Variants in TRPC4 observed in about 807,000 individuals in gnomAD.
The protein encoded by TRPC4 is transient receptor potential cation channel subfamily C member 4, also known as short transient receptor potential channel 4.
Under a neutral mutation model 99.4 loss-of-function variants are expected in TRPC4, and 49 were observed. The ratio of observed to expected loss-of-function variants is 0.49; its 90% CI spans 0.39 to 0.63. The LOEUF is 0.63. Among genes scored for constraint, TRPC4 ranks in the 20% least tolerant of loss-of-function variants. The pLI is 0.00. For missense variants in TRPC4, 898 were observed against 1,152.9 expected (o/e 0.78, Z 3.20); for synonymous variants, 454 against 425.9 (o/e 1.07, Z -0.81).
At chr13:37,779,412 C>T (rs1253802428) in intron 2 of TRPC4, among the ~76,000 whole-genome samples, 2 of 150,704 alleles carry the variant, frequency 1.3e-5, no homozygotes, top group Non-Finnish European at 3.0e-5. Context: ...TAAGCTATTA[C>T]TCTTCTCATT....
chr13:37,692,873 T>C (rs1953765205), intron 3 of TRPC4, among the ~76,000 whole-genome samples: 1 of 152,168 alleles, frequency 6.6e-6, no homozygotes, highest in South Asian at 2.1e-4. Context: ...ATACTTTTAA[T>C]TGGGTTGAGG....
chr13:37,651,155 A>G, intron 8 of TRPC4, 110 bp downstream of exon 8: 1 of 1,194,378 alleles, frequency 8.4e-7, no homozygotes, highest in Non-Finnish European at 1.2e-6. Context: ...CATGACATGC[A>G]ATCAGTAAGA....
At chr13:37,802,206 C>G (rs1228487826) in intron 1 of TRPC4, among the ~76,000 whole-genome samples, 1 of 152,048 alleles carries the variant, frequency 6.6e-6, no homozygotes, top group Non-Finnish European at 1.5e-5. Flanking sequence ...ATGCTAGTAT[C>G]TTACATAAAC....
chr13:37,857,583 A>G (rs1959184383), intron 1 of TRPC4, among the ~76,000 whole-genome samples: 1 of 151,368 alleles, frequency 6.6e-6, no homozygotes, highest in Non-Finnish European at 1.5e-5. Flanking sequence ...AAACAAATGG[A>G]ATAGAATAGA....
chr13:37,786,449 T>C (rs564580758), intron 1 of TRPC4, among the ~76,000 whole-genome samples: 88 of 152,010 alleles, frequency 5.8e-4, no homozygotes, highest in African/African-American at 2.1e-3. Flanking sequence ...TTACTTGAGA[T>C]GCGGGGATAC....
chr13:37,829,554 T>C lies in TRPC4; in HGVS notation c.-28+40041A>G, dbSNP rs1485150261. On this transcript the variant is annotated intron_variant, in intron 1 of 10. Coordinates refer to ENST00000379705, the MANE Select transcript of TRPC4 (RefSeq NM_016179.4). ...TTGGATTGGGAACCAATAAAACCAG[T>C]TGGATCAGCCACTTTGGGAAACACT... Among the ~76,000 whole-genome samples, 9 of 152,172 alleles carry C rather than the reference T, an allele frequency of 5.9e-5. No homozygotes were observed. In the East Asian group the frequency reaches 7.7e-4, roughly 13 times the overall value.
chr13:37,729,469 G>T (rs2151439), intron 3 of TRPC4, among the ~76,000 whole-genome samples: 44,445 of 151,946 alleles, frequency 0.29, 8,426 homozygotes, highest in Non-Finnish European at 0.43. Context: ...TGATTCAGAA[G>T]TTCCACTTCT....
At chr13:37,728,205 A>G (rs936691669) in intron 3 of TRPC4, among the ~76,000 whole-genome samples, 3 of 127,618 alleles carry the variant, frequency 2.4e-5, no homozygotes, top group Non-Finnish European at 5.8e-5. Context: ...ATTATGTGAA[A>G]AAGAAAAAAA....
intron 4 of TRPC4, among the ~76,000 whole-genome samples, chr13:37,689,573 G>T (rs1378564110): frequency 6.6e-6 from 1 of 152,124 alleles, no homozygotes; most frequent in East Asian, 1.9e-4. Context: ...CTACAGTCAG[G>T]AAATCTTGAG....
chr13:37,649,318 C>A (rs1951945328), intron 8 of TRPC4, among the ~76,000 whole-genome samples: 1 of 152,008 alleles, frequency 6.6e-6, no homozygotes, highest in Admixed American at 6.6e-5. Flanking sequence ...GTTTTTATTT[C>A]TGTATCTCTC....
At chr13:37,755,681 C>T (rs1306606166) in intron 2 of TRPC4, among the ~76,000 whole-genome samples, 1 of 151,990 alleles carries the variant, frequency 6.6e-6, no homozygotes, top group African/African-American at 2.4e-5. Flanking sequence ...GGATTACAGG[C>T]GTGAGCCACT....
At chr13:37,681,678 T>C (rs551066117) in intron 4 of TRPC4, among the ~76,000 whole-genome samples, 1 of 152,312 alleles carries the variant, frequency 6.6e-6, no homozygotes, top group African/African-American at 2.4e-5. Flanking sequence ...TAGTAAATTA[T>C]CCATGGTAAC....
chr13:37,727,443 A>G (rs1011924633), intron 3 of TRPC4, among the ~76,000 whole-genome samples: 2 of 152,024 alleles, frequency 1.3e-5, no homozygotes, highest in South Asian at 4.1e-4. Context: ...GGGGAAATTT[A>G]TGCCTATAAA....
intron 8 of TRPC4, 37 bp downstream of exon 8, chr13:37,651,228 T>C (rs1197893512): frequency 3.1e-6 from 5 of 1,610,174 alleles, no homozygotes; most frequent in Non-Finnish European, 4.2e-6. Flanking sequence ...AATACACAAT[T>C]TAAAAAAAGA....
In TRPC4 at chr13:37,663,565, G is replaced by A. The variant is rs754530992; in HGVS notation, c.1539C>T (p.Leu513=). 6 of 1,614,176 alleles carry A rather than the reference G, an allele frequency of 3.7e-6. No homozygotes were observed. The Admixed American group carries it at 8.3e-5, about 22-fold the overall frequency. Residue 513 remains leucine (L), a synonymous_variant, in exon 6 of 11, where the codon CTC becomes CTT. Transcript: ENST00000379705. ...TGAATAGAAACTTCAAAATGTCCAG[G>A]AGCATTCTTCCCAGAGATATTTGCA... ...GPLQISLGRM[L]LDILKFLFIY...
chr13:37,734,290 T>C (rs1955330119), intron 3 of TRPC4, among the ~76,000 whole-genome samples: 1 of 152,164 alleles, frequency 6.6e-6, no homozygotes, highest in Admixed American at 6.6e-5. Context: ...CTCTTGGAAA[T>C]CTCATTTTAT....
chr13:37,671,185 A>G (rs1952826587), intron 5 of TRPC4, among the ~76,000 whole-genome samples: 1 of 152,186 alleles, frequency 6.6e-6, no homozygotes, highest in Non-Finnish European at 1.5e-5. Context: ...TGTTTGCTTT[A>G]TCTACATCAG....
At chr13:37,835,178 A>G (rs1878918722) in intron 1 of TRPC4, among the ~76,000 whole-genome samples, 1 of 152,164 alleles carries the variant, frequency 6.6e-6, no homozygotes, top group African/African-American at 2.4e-5. Flanking sequence ...CAAAGTTGGT[A>G]GTCAGTTTTA....
At chr13:37,708,117 T>G (rs1954352454) in intron 3 of TRPC4, among the ~76,000 whole-genome samples, 1 of 152,150 alleles carries the variant, frequency 6.6e-6, no homozygotes, top group South Asian at 2.1e-4. Flanking sequence ...TACTTGATAG[T>G]AAATAGAATT....
Sources: allele counts gnomAD v4.1 joint callset (sites outside exome capture counted in the v4.1 genomes callset), GRCh38; gene constraint gnomAD v4.1.1; transcripts MANE v1.5; gene names NCBI Gene and HGNC (gene_info 2026-07-23, HGNC 2026-07-21).